The following SPTLC3 variants were observed in gnomAD, a reference collection of about 807,000 sequenced individuals.
SPTLC3 encodes serine palmitoyltransferase 3.
Under a neutral mutation model 59.3 loss-of-function variants are expected in SPTLC3, and 36 were observed. That is an observed-to-expected ratio of 0.61 (90% confidence interval 0.47 to 0.80). The LOEUF is 0.80. SPTLC3 is among the 30% of genes least tolerant of loss of function. The pLI is 0.00. For missense variants in SPTLC3, 625 were observed against 685.1 expected, an observed-to-expected ratio of 0.91 and a Z score of 0.98; for synonymous variants, 257 against 240.8, an observed-to-expected ratio of 1.07 and a Z score of -0.62.
chr20:13,126,740 C>T, intron 9 of SPTLC3, 23 bp downstream of exon 9: 2 of 1,613,240 alleles, frequency 1.2e-6, no homozygotes, highest in Non-Finnish European at 1.7e-6. Flanking sequence ...GCAGAGAGCA[C>T]AGCTCCTGGA....
intron 11 of SPTLC3, among the ~76,000 whole-genome samples, chr20:13,161,227 A>G (rs2038889188): frequency 6.6e-6 from 1 of 152,216 alleles, no homozygotes; most frequent in Admixed American, 6.5e-5. Context: ...GAATAGAAGG[A>G]TGGTGAAGCA....
At chr20:13,108,274 C>A (rs1186973511) in intron 6 of SPTLC3, among the ~76,000 whole-genome samples, 3 of 152,190 alleles carry the variant, frequency 2.0e-5, no homozygotes, top group Non-Finnish European at 2.9e-5. Context: ...CACACACACA[C>A]AAATATATTC....
chr20:13,115,987 T>C (rs1990524088), intron 7 of SPTLC3, among the ~76,000 whole-genome samples: 1 of 152,180 alleles, frequency 6.6e-6, no homozygotes, highest in Non-Finnish European at 1.5e-5. Context: ...AAGCAATTAA[T>C]TTAAGAACAT....
chr20:13,162,258 A>G (rs2038909247), intron 11 of SPTLC3, among the ~76,000 whole-genome samples: 1 of 152,222 alleles, frequency 6.6e-6, no homozygotes, highest in South Asian at 2.1e-4. Flanking sequence ...ATGGCCGGGA[A>G]GCAAGTTCCC....
At chr20:13,143,885 CA>C (rs1029358481) in intron 9 of SPTLC3, among the ~76,000 whole-genome samples, 64 of 152,320 alleles carry the variant, frequency 4.2e-4, no homozygotes, top group African/African-American at 1.4e-3. Context: ...GCTCCTCGCC[CA>C]TTTCAGACAT....
chr20:13,019,926 A>G (rs1326688106), intron 1 of SPTLC3, among the ~76,000 whole-genome samples: 2 of 152,224 alleles, frequency 1.3e-5, no homozygotes, highest in African/African-American at 4.8e-5. Context: ...AAGCTGTTAT[A>G]TACTTTCTAA....
At position 13,154,114 on chromosome 20, in the gene SPTLC3, T is replaced by A; in HGVS notation, c.1391T>A (p.Leu464His). 6.2e-7 allele frequency: 1 copy of A among 1,614,182 alleles called. No individual in the cohort carries two copies. The highest frequency in any genetic ancestry group is 2.2e-5 in the East Asian group (1 of 44,874). The change falls in exon 10 of 12, where the codon CTT (leucine) becomes CAT (histidine). Residue 464 changes from leucine (L) to histidine (H), a missense_variant. Transcript: ENST00000399002. ...GNENASVVPL[L>H]LYMPGKVAAF... ...GAGAATGCTTCTGTTGTTCCTCTGCTTCTTTATATGCCTGGTAAAGTAGCG... is the reference window on the plus strand; with the variant it reads ...GAGAATGCTTCTGTTGTTCCTCTGCATCTTTATATGCCTGGTAAAGTAGCG...
chr20:13,100,931 A>T (rs1989578806), intron 6 of SPTLC3, among the ~76,000 whole-genome samples: 1 of 152,130 alleles, frequency 6.6e-6, no homozygotes, highest in African/African-American at 2.4e-5. Flanking sequence ...GGATGTAATC[A>T]CAAGTCACTT....
intron 2 of SPTLC3, among the ~76,000 whole-genome samples, chr20:13,055,298 T>C (rs1467734263): frequency 6.6e-6 from 1 of 151,754 alleles, no homozygotes; most frequent in African/African-American, 2.4e-5. Flanking sequence ...TCAGCATGCT[T>C]CCAGAGACGC....
intron 11 of SPTLC3, among the ~76,000 whole-genome samples, chr20:13,161,727 G>T (rs765560321): frequency 5.9e-5 from 9 of 152,134 alleles, no homozygotes; most frequent in Non-Finnish European, 8.8e-5. Flanking sequence ...ATGTTCCATA[G>T]AGTAGGCATT....
At chr20:13,124,002 C>T (rs2037928750) in intron 8 of SPTLC3, among the ~76,000 whole-genome samples, 1 of 152,184 alleles carries the variant, frequency 6.6e-6, no homozygotes, top group African/African-American at 2.4e-5. Context: ...CAAATGACTG[C>T]TGCTGTCTCT....
At chr20:13,113,623 T>C (rs1450295193) in intron 7 of SPTLC3, among the ~76,000 whole-genome samples, 2 of 152,190 alleles carry the variant, frequency 1.3e-5, no homozygotes, top group East Asian at 3.8e-4. Flanking sequence ...GCCTGGGACC[T>C]AGGTTCAAAT....
At chr20:13,030,254 T>A (rs904681868) in intron 1 of SPTLC3, among the ~76,000 whole-genome samples, 1 of 152,208 alleles carries the variant, frequency 6.6e-6, no homozygotes, top group Admixed American at 6.5e-5. Context: ...TTCATTCCTG[T>A]GGAATTTAGG....
chr20:13,012,617 T>A (rs1291751464), intron 1 of SPTLC3, among the ~76,000 whole-genome samples: 1 of 152,184 alleles, frequency 6.6e-6, no homozygotes, highest in African/African-American at 2.4e-5. Context: ...ATATCAATAT[T>A]CTGCTATGTA....
intron 1 of SPTLC3, among the ~76,000 whole-genome samples, chr20:13,027,990 A>G (rs1986243429): frequency 6.6e-6 from 1 of 152,200 alleles, no homozygotes; most frequent in Non-Finnish European, 1.5e-5. Context: ...AAATCTTGAC[A>G]TTACGAATGG....
chr20:13,144,251 A>G (rs1310149864), intron 9 of SPTLC3, among the ~76,000 whole-genome samples: 1 of 152,058 alleles, frequency 6.6e-6, no homozygotes, highest in Non-Finnish European at 1.5e-5. Flanking sequence ...TGGGCACTTG[A>G]TTTTCTATCT....
chr20:13,091,039 T>G, intron 4 of SPTLC3, 44 bp from the exon 5 acceptor site: 1 of 1,606,780 alleles, frequency 6.2e-7, no homozygotes, highest in South Asian at 1.1e-5. Context: ...ATCTTGGCCT[T>G]GTTGAAAAGA....
chr20:13,105,719 A>G (rs1279649114), intron 6 of SPTLC3, among the ~76,000 whole-genome samples: 1 of 152,204 alleles, frequency 6.6e-6, no homozygotes, highest in African/African-American at 2.4e-5. Flanking sequence ...CACATTTACC[A>G]TCTATCATTT....
At chr20:13,093,765 T>A (rs1989314863) in intron 6 of SPTLC3, among the ~76,000 whole-genome samples, 188 bp downstream of exon 6, 1 of 152,178 alleles carries the variant, frequency 6.6e-6, no homozygotes, top group Admixed American at 6.5e-5. Context: ...GCATTAAACA[T>A]CCAAATTGTT....
Sources: allele counts gnomAD v4.1 joint callset (sites outside exome capture counted in the v4.1 genomes callset), GRCh38; gene constraint gnomAD v4.1.1; transcripts MANE v1.5; gene names NCBI Gene and HGNC (gene_info 2026-07-23, HGNC 2026-07-21).